LINGO2: variants seen among roughly 807,000 people sequenced by gnomAD.
LINGO2 encodes the protein leucine-rich repeat and immunoglobulin-like domain-containing nogo receptor-interacting protein 2.
Under a neutral mutation model 30.6 loss-of-function variants are expected in LINGO2, and 14 were observed. That is an observed-to-expected ratio of 0.46 (90% confidence interval 0.30 to 0.72). The LOEUF is 0.72. Among genes scored for constraint, LINGO2 ranks in the 30% least tolerant of loss-of-function variants. The probability of loss-of-function intolerance (pLI) is 0.07; values close to 1 mark genes in which losing one functional copy is unlikely to be tolerated. For synonymous variants in LINGO2, 317 were observed against 288.5 expected, an observed-to-expected ratio of 1.10 and a Z score of -1.00; for missense variants, 729 against 751.7, an observed-to-expected ratio of 0.97 and a Z score of 0.35.
At chr9:28,915,449 G>A in the LINGO2 span, among the ~76,000 whole-genome samples, 1 of 152,112 alleles carries the variant, frequency 6.6e-6, no homozygotes, top group Admixed American at 6.6e-5. Context: ...AGGAGATAAG[G>A]AAGCTGCTGG....
At chr9:28,868,780 G>C in the LINGO2 span, among the ~76,000 whole-genome samples, 2 of 152,090 alleles carry the variant, frequency 1.3e-5, no homozygotes, top group African/African-American at 4.8e-5. Context: ...GGTTGAGTTT[G>C]TTCCAAACCT....
chr9:28,648,937 A>G (rs528605152), intron 1 of LINGO2, among the ~76,000 whole-genome samples: 2 of 152,160 alleles, frequency 1.3e-5, no homozygotes, highest in East Asian at 3.9e-4. Flanking sequence ...GTAAAGAGAC[A>G]AGGCTGCTTA....
At chr9:28,983,735 G>T in the LINGO2 span, among the ~76,000 whole-genome samples, 1 of 151,966 alleles carries the variant, frequency 6.6e-6, no homozygotes, top group South Asian at 2.1e-4. Context: ...CCAAAATATA[G>T]CTCATAGAGT....
chr9:28,694,380 T>C, the LINGO2 span, among the ~76,000 whole-genome samples: 5 of 152,064 alleles, frequency 3.3e-5, no homozygotes, highest in African/African-American at 1.2e-4. Flanking sequence ...TTTTTGAATA[T>C]GTGATATTCT....
chr9:27,970,405 T>C (rs1009783019), intron 5 of LINGO2, among the ~76,000 whole-genome samples: 5 of 152,224 alleles, frequency 3.3e-5, no homozygotes, highest in African/African-American at 1.2e-4. Flanking sequence ...GAAACGTATC[T>C]TTCTTTGTTC....
chr9:28,627,323 G>A (rs1826725735), intron 1 of LINGO2, among the ~76,000 whole-genome samples: 1 of 152,006 alleles, frequency 6.6e-6, no homozygotes, highest in African/African-American at 2.4e-5. Flanking sequence ...ACCTCCAATA[G>A]ACAAATAATA....
chr9:28,235,986 A>G (rs1821549963), intron 4 of LINGO2, among the ~76,000 whole-genome samples: 1 of 152,136 alleles, frequency 6.6e-6, no homozygotes, highest in South Asian at 2.1e-4. Flanking sequence ...AGAGGGAAAC[A>G]GAACAACATG....
At chr9:28,774,301 G>C in the LINGO2 span, among the ~76,000 whole-genome samples, 1 of 151,942 alleles carries the variant, frequency 6.6e-6, no homozygotes, top group Non-Finnish European at 1.5e-5. Flanking sequence ...ACGGTTCACT[G>C]AATAGCAAAA....
chr9:28,362,172 C>A lies in LINGO2; in HGVS notation c.-246+10664G>T, dbSNP rs13288835. On this transcript the variant is annotated intron_variant, in intron 3 of 5. Transcript: ENST00000379992. ...CCACAGGGAACCAATATAAGCCAAA[C>A]TAGGTTTATCATTTCCCTTTAATGG... Among the ~76,000 whole-genome samples, 7 of 152,218 alleles carry A rather than the reference C, an allele frequency of 4.6e-5. No individual in the cohort carries two copies. In the South Asian group the frequency reaches 1.5e-3, roughly 32 times the overall value.
chr9:29,110,838 TC>T, the LINGO2 span, among the ~76,000 whole-genome samples: 1 of 150,608 alleles, frequency 6.6e-6, no homozygotes, highest in African/African-American at 2.4e-5. Flanking sequence ...CTACAGGCGC[TC>T]GCCACCACGC....
chr9:28,438,827 C>CATATAT (rs200082723), intron 2 of LINGO2, among the ~76,000 whole-genome samples: 3,734 of 130,716 alleles, frequency 0.029, 164 homozygotes, highest in African/African-American at 0.096. Flanking sequence ...AAAATATATA[C>CATATAT]ATATATATAT....
At chr9:28,604,595 G>A (rs780661228) in intron 1 of LINGO2, among the ~76,000 whole-genome samples, 6 of 152,028 alleles carry the variant, frequency 3.9e-5, no homozygotes, top group Non-Finnish European at 8.8e-5. Context: ...ATTTAACAAT[G>A]AGAGTATTTA....
chr9:28,535,681 ACAC>A (rs922282404), intron 1 of LINGO2, among the ~76,000 whole-genome samples: 41 of 152,022 alleles, frequency 2.7e-4, no homozygotes, highest in African/African-American at 5.6e-4. Context: ...ACACATATGT[ACAC>A]CACATGAGTA....
At chr9:28,756,939 A>C in the LINGO2 span, among the ~76,000 whole-genome samples, 1 of 151,628 alleles carries the variant, frequency 6.6e-6, no homozygotes, top group Non-Finnish European at 1.5e-5. Flanking sequence ...TTCTTATCTC[A>C]AAAAAAAGAA....
At position 28,441,436 on chromosome 9, in the gene LINGO2, C is replaced by T. The variant is rs111427862; in HGVS notation, c.-279+34504G>A. On this transcript the variant is annotated intron_variant, in intron 2 of 5. Coordinates refer to ENST00000379992, the Ensembl canonical transcript of LINGO2. ...TTTACCTCATACTTCCTTTGATAGACTTTAGCCCATACTTCATGTTAGTTC... is the reference window on the plus strand; with the variant it reads ...TTTACCTCATACTTCCTTTGATAGATTTTAGCCCATACTTCATGTTAGTTC... Among the ~76,000 whole-genome samples the T allele has an allele frequency of 8.3e-3, 1,259 of 151,920 alleles. 18 individuals are homozygous for T. The highest frequency in any genetic ancestry group is 0.027 in the African/African-American group (1,127 of 41,424).
chr9:28,752,211 A>G, the LINGO2 span, among the ~76,000 whole-genome samples: 1 of 151,880 alleles, frequency 6.6e-6, no homozygotes, highest in Non-Finnish European at 1.5e-5. Flanking sequence ...TGGCATCAGG[A>G]GGTAGTAAAA....
chr9:28,026,237 G>T (rs1461771318), intron 4 of LINGO2, among the ~76,000 whole-genome samples: 3 of 152,052 alleles, frequency 2.0e-5, no homozygotes, highest in Non-Finnish European at 4.4e-5. Context: ...TATTACTCGG[G>T]TAATTTTTGA....
chr9:28,087,748 A>T (rs1825955030), intron 4 of LINGO2, among the ~76,000 whole-genome samples: 1 of 152,024 alleles, frequency 6.6e-6, no homozygotes, highest in South Asian at 2.1e-4. Context: ...AATTCCTGAG[A>T]CAATCTTATG....
chr9:28,037,516 C>T (rs1193913244), intron 4 of LINGO2, among the ~76,000 whole-genome samples: 2 of 152,148 alleles, frequency 1.3e-5, no homozygotes, highest in South Asian at 4.1e-4. Flanking sequence ...CTTAATTACT[C>T]GTTCCTTTGC....
Sources: allele counts gnomAD v4.1 joint callset (sites outside exome capture counted in the v4.1 genomes callset), GRCh38; gene constraint gnomAD v4.1.1; transcripts MANE v1.5; gene names NCBI Gene and HGNC (gene_info 2026-07-23, HGNC 2026-07-21).